The following DZIP1L variants were observed in gnomAD, a reference collection of about 807,000 sequenced individuals.
DZIP1L encodes the protein cilium assembly protein DZIP1L.
A neutral mutation model predicts 88.7 loss-of-function variants in DZIP1L; 90 were observed. The ratio of observed to expected loss-of-function variants is 1.02; its 90% CI spans 0.86 to 1.21. The LOEUF (loss-of-function observed/expected upper bound fraction) is 1.21. Among genes scored for constraint, DZIP1L ranks in the 50% most tolerant of loss-of-function variants. The pLI, the probability that DZIP1L is intolerant of heterozygous loss-of-function variation, is 0.00. For synonymous variants in DZIP1L, 363 were observed against 372.1 expected (o/e 0.98, Z 0.28); for missense variants, 932 against 955.8 (o/e 0.98, Z 0.33).
rs781705384 is a variant in DZIP1L at position 138,103,533 on chromosome 3, G to T, written c.439C>A (p.Arg147Ser). The change falls in exon 2 of 16, where the codon CGC (arginine) becomes AGC (serine). Residue 147 changes from arginine (R) to serine (S), a missense_variant. Coordinates refer to ENST00000327532, the MANE Select transcript of DZIP1L (RefSeq NM_173543.3). Reference protein sequence around the residue: ...KGVREESRRRRKMISTLQQLL... With the variant: ...KGVREESRRRSKMISTLQQLL... ...TGCTGCAGGGTGCTGATCATCTTGC[G>T]ACGCCGGCGGCTCTCCTCCCGCACA... The T allele has an allele frequency of 6.2e-7, 1 of 1,610,994 alleles. No individual in the cohort carries two copies. Among genetic ancestry groups the T allele is most frequent in the African/African-American group, 1.3e-5 (1 of 75,046 alleles).
intron 2 of DZIP1L, 69 bp downstream of exon 2, chr3:138,103,402 G>A: frequency 6.6e-7 from 1 of 1,515,844 alleles, no homozygotes; most frequent in Non-Finnish European, 8.9e-7. Context: ...GCTGCCCAGT[G>A]GCAACAGTTG....
At position 138,112,941 on chromosome 3, in the gene DZIP1L, C is replaced by T. The variant is rs528479115; in HGVS notation, c.-82+2387G>A. On this transcript the variant is annotated intron_variant, in intron 1 of 15. Transcript: ENST00000327532. ...CAGCCTGGGCGACAGAGTGAGACTT[C>T]GTCTCAAAAAAAAAGAGAGAGAAGA... 6.0e-5 allele frequency among the ~76,000 whole-genome samples: 9 copies of T among 151,248 alleles called. No homozygotes were observed. In the South Asian group the frequency reaches 1.2e-3, roughly 21 times the overall value.
chr3:138,090,373 A>G (rs140314520), intron 5 of DZIP1L, among the ~76,000 whole-genome samples: 7 of 152,278 alleles, frequency 4.6e-5, no homozygotes, highest in South Asian at 2.1e-4. Flanking sequence ...TCAAACGTCT[A>G]GTCAGCTAGC....
At chr3:138,115,163 C>T (rs2042672036) in intron 1 of DZIP1L, among the ~76,000 whole-genome samples, 165 bp downstream of exon 1, 1 of 152,072 alleles carries the variant, frequency 6.6e-6, no homozygotes, top group African/African-American at 2.4e-5. Context: ...AGCGCGGACG[C>T]ACGCAGCCGG....
At chr3:138,080,854 C>T (rs375403806) in intron 9 of DZIP1L, among the ~76,000 whole-genome samples, 1 of 152,202 alleles carries the variant, frequency 6.6e-6, no homozygotes, top group Non-Finnish European at 1.5e-5. Flanking sequence ...TTGAACCCCT[C>T]TAAGCCTGGG....
chr3:138,103,543 G>A lies in DZIP1L; in HGVS notation c.429C>T (p.Ser143=). 6.2e-7 allele frequency: 1 copy of A among 1,610,380 alleles called. No individual in the cohort carries two copies. Residue 143 remains serine (S), a synonymous_variant, in exon 2 of 16, where the codon AGC becomes AGT. Coordinates refer to ENST00000327532, the MANE Select transcript of DZIP1L (RefSeq NM_173543.3). The part of the protein sequence containing the change: ...ADELKGVREE[S]RRRRKMISTL... ...TGCTGATCATCTTGCGACGCCGGCG[G>A]CTCTCCTCCCGCACACCCTTGAGCT...
chr3:138,092,102 A>G (rs1441607145), intron 5 of DZIP1L, among the ~76,000 whole-genome samples: 1 of 152,232 alleles, frequency 6.6e-6, no homozygotes, highest in African/African-American at 2.4e-5. Flanking sequence ...CATACTGTAT[A>G]TGTACTAATT....
rs1220979198 is a variant in DZIP1L at position 138,068,270 on chromosome 3, TG to T, written c.1712del (p.Pro571HisfsTer14). The T allele has an allele frequency of 6.3e-7, 1 of 1,597,946 alleles. No individual in the cohort carries two copies. The highest frequency in any genetic ancestry group is 8.5e-7 in the Non-Finnish European group (1 of 1,171,774). On this transcript the variant is annotated frameshift_variant, in exon 13 of 16. Coordinates refer to ENST00000327532, the MANE Select transcript of DZIP1L (RefSeq NM_173543.3). LOFTEE classifies it high-confidence loss of function. Reference sequence around the variant, plus strand: ...GGCTGCCATGGCTCTGACGAGTTGGTGGGGGTGGCTCTGCCGGTGTGGATGG... The same window carrying T: ...GGCTGCCATGGCTCTGACGAGTTGGTGGGGTGGCTCTGCCGGTGTGGATGG... ...ALPSTPAEPPPPTRQSHGSHG... is the reference protein window; with the variant it reads ...ALPSTPAEPPXPTRQSHGSHG...
At position 138,088,014 on chromosome 3, in the gene DZIP1L, G is replaced by A. The variant is rs181580657; in HGVS notation, c.999+365C>T. On this transcript the variant is annotated intron_variant, in intron 6 of 15. Coordinates refer to ENST00000327532, the MANE Select transcript of DZIP1L (RefSeq NM_173543.3). ...ATTAAAGCTTTTTTAATTCCAGAGA[G>A]CTGGTTGCTAAACAACTACCATCAC... Among the ~76,000 whole-genome samples the A allele has an allele frequency of 1.2e-4, 19 of 152,300 alleles. No individual in the cohort carries two copies. The East Asian group carries it at 2.5e-3, about 20-fold the overall frequency.
At chr3:138,103,148 T>A (rs2042373513) in intron 2 of DZIP1L, among the ~76,000 whole-genome samples, 1 of 142,330 alleles carries the variant, frequency 7.0e-6, no homozygotes, top group Non-Finnish European at 1.6e-5. Flanking sequence ...CACACACACA[T>A]GTTCACATCA....
At position 138,084,134 on chromosome 3, in the gene DZIP1L, G is replaced by T. The variant is rs2107782656; in HGVS notation, c.1182C>A (p.Ile394=). ...CTACCATCTCCTCCTGGGAGGCAAT[G>T]ATCCTAGCTTGTTCCTGCAGCTGGG... The part of the protein sequence containing the change: ...LRAQLQEQAR[I]IASQEEMIQS... Residue 394 remains isoleucine (I), a synonymous_variant, in exon 8 of 16, where the codon ATC becomes ATA. Transcript: ENST00000327532. The T allele has an allele frequency of 6.2e-7, 1 of 1,614,058 alleles. No homozygotes were observed. The highest frequency in any genetic ancestry group is 2.2e-5 in the East Asian group (1 of 44,878).
Position 138,064,885 on chromosome 3 carries a change from G to A in DZIP1L, c.2003-118C>T, listed in dbSNP as rs936756178. Reference sequence around the variant, plus strand: ...GAGGGAATGAGCAGAAGGGCCAGGAGGAAGAAGGCTGAGCAACCACAAAAA... The same window carrying A: ...GAGGGAATGAGCAGAAGGGCCAGGAAGAAGAAGGCTGAGCAACCACAAAAA... On this transcript the variant is annotated intron_variant, in intron 14 of 15. Coordinates refer to ENST00000327532, the MANE Select transcript of DZIP1L (RefSeq NM_173543.3). The A allele has an allele frequency of 9.7e-6, 14 of 1,436,154 alleles. No individual in the cohort carries two copies. The African/African-American group carries it at 1.9e-4, about 19-fold the overall frequency. 89.0% of individuals were successfully genotyped at this position (1,436,154 alleles called of 1,614,324 possible).
At chr3:138,109,533 T>C (rs1303906348) in intron 1 of DZIP1L, among the ~76,000 whole-genome samples, 1 of 152,210 alleles carries the variant, frequency 6.6e-6, no homozygotes, top group Non-Finnish European at 1.5e-5. Flanking sequence ...AGTTCAACCA[T>C]TATGGAAGAC....
chr3:138,095,265 T>G (rs548199814), intron 3 of DZIP1L, among the ~76,000 whole-genome samples: 2 of 152,288 alleles, frequency 1.3e-5, no homozygotes, highest in Non-Finnish European at 2.9e-5. Flanking sequence ...AAATGTGAAT[T>G]ACTATTGTAC....
In DZIP1L at chr3:138,086,976, C is replaced by A. The variant is rs748818108; in HGVS notation, c.1047G>T (p.Met349Ile). 1.2e-6 allele frequency: 2 copies of A among 1,614,026 alleles called. No homozygotes were observed. Among genetic ancestry groups the A allele is most frequent in the Non-Finnish European group, 1.7e-6 (2 of 1,179,996 alleles). Reference protein sequence around the residue: ...RKVKELHEEHMAEKKELQEEN... With the variant: ...RKVKELHEEHIAEKKELQEEN... ...CAAAAGCTACCTCTTTCTTCTCAGC[C>A]ATGTGCTCTTCATGCAGTTCCTTCA... The change falls in exon 7 of 16, where the codon ATG becomes ATT. Residue 349 changes from methionine to isoleucine, a missense_variant. Physicochemically the swap from Met to Ile is conservative, Grantham distance 10. Transcript: ENST00000327532.
intron 1 of DZIP1L, among the ~76,000 whole-genome samples, chr3:138,105,211 A>T (rs1362913822): frequency 6.6e-6 from 1 of 152,150 alleles, no homozygotes; most frequent in Non-Finnish European, 1.5e-5. Context: ...AAAGTGAAAG[A>T]TATATATCAT....
At position 138,103,542 on chromosome 3, in the gene DZIP1L, G is replaced by A. The variant is rs774576837; in HGVS notation, c.430C>T (p.Arg144Cys). The A allele has an allele frequency of 4.1e-5, 66 of 1,610,468 alleles. No individual in the cohort carries two copies. The highest frequency in any genetic ancestry group is 5.5e-5 in the South Asian group (5 of 91,004). ...GTGCTGATCATCTTGCGACGCCGGCGGCTCTCCTCCCGCACACCCTTGAGC... is the reference window on the plus strand; with the variant it reads ...GTGCTGATCATCTTGCGACGCCGGCAGCTCTCCTCCCGCACACCCTTGAGC... ...DELKGVREESRRRRKMISTLQ... is the reference protein window; with the variant it reads ...DELKGVREESCRRRKMISTLQ... Residue 144 changes from arginine (R) to cysteine (C), a missense_variant, in exon 2 of 16, where the codon CGC becomes TGC. Physicochemically the swap from Arg to Cys is radical, Grantham distance 180. Coordinates refer to ENST00000327532, the MANE Select transcript of DZIP1L (RefSeq NM_173543.3).
intron 4 of DZIP1L, among the ~76,000 whole-genome samples, 161 bp downstream of exon 4, chr3:138,094,701 A>C (rs1327752401): frequency 6.6e-6 from 1 of 152,236 alleles, no homozygotes; most frequent in African/African-American, 2.4e-5. Flanking sequence ...TTTCCAGGCT[A>C]CCTAAAATCA....
chr3:138,081,602 T>C, intron 9 of DZIP1L, 132 bp downstream of exon 9: 1 of 886,208 alleles, frequency 1.1e-6, no homozygotes, highest in Non-Finnish European at 1.7e-6. Flanking sequence ...CCCAGAAGCC[T>C]GACACTACAT....
Sources: gnomAD v4.1 joint callset for allele counts (sites outside exome capture counted in the v4.1 genomes callset) on GRCh38, gnomAD v4.1.1 for gene constraint, MANE v1.5 for transcripts, NCBI Gene and HGNC (gene_info 2026-07-23, HGNC 2026-07-21) for gene names.